Variants in BRCA2 observed in about 807,000 individuals in gnomAD.
BRCA2 encodes the protein BRCA2 DNA repair associated.
In BRCA2, 203 loss-of-function variants were observed where a neutral mutation model predicts 276.7. The observed-to-expected ratio is 0.73, with a 90% CI of 0.65 to 0.82. The LOEUF (loss-of-function observed/expected upper bound fraction) is 0.82. BRCA2 is among the 40% of genes least tolerant of loss of function. BRCA2 has a pLI of 0.00. For synonymous variants in BRCA2, 1,289 were observed against 1,338.4 expected, an observed-to-expected ratio of 0.96 and a Z score of 0.81; for missense variants, 3,920 against 3,915.0, an observed-to-expected ratio of 1.00 and a Z score of -0.03.
chr13:32,379,951 G>A (rs2137624132), intron 23 of BRCA2, 38 bp downstream of exon 23: 1 of 1,612,952 alleles, frequency 6.2e-7, no homozygotes, highest in Non-Finnish European at 8.5e-7. Flanking sequence ...GTTTTGATAA[G>A]TGCTTGTTAG....
At chr13:32,384,428 G>C (rs904929699) in intron 24 of BRCA2, among the ~76,000 whole-genome samples, 7 of 152,218 alleles carry the variant, frequency 4.6e-5, no homozygotes, top group African/African-American at 1.4e-4. Flanking sequence ...GCGGAATCCA[G>C]GGAATTTGGC....
rs567476314 is a variant in BRCA2, at chr13:32,398,510, C to G, written c.9997C>G (p.Leu3333Val). Residue 3333 changes from leucine (L) to valine (V), a missense_variant, in exon 27 of 27, where the codon CTT (leucine) becomes GTT (valine). Coordinates refer to ENST00000380152, the MANE Select transcript of BRCA2 (RefSeq NM_000059.4). ...ATTTAAAAAATTCAATGAAATTTCT[C>G]TTTTGGAAAGTAATTCAATAGCTGA... ...TPFKKFNEISLLESNSIADEE... is the reference protein window; with the variant it reads ...TPFKKFNEISVLESNSIADEE... 4 of 1,614,104 alleles carry G rather than the reference C, an allele frequency of 2.5e-6. No homozygotes were observed. Among genetic ancestry groups the G allele is most frequent in the East Asian group, 4.5e-5 (2 of 44,892 alleles).
chr13:32,324,854 A>G (rs954707178), intron 3 of BRCA2, among the ~76,000 whole-genome samples: 2 of 152,034 alleles, frequency 1.3e-5, no homozygotes, highest in Non-Finnish European at 2.9e-5. Context: ...GCCTCAAGCA[A>G]TCCTCCCACC....
intron 20 of BRCA2, among the ~76,000 whole-genome samples, chr13:32,372,630 G>T (rs865906711): frequency 2.0e-5 from 3 of 152,116 alleles, no homozygotes; most frequent in Non-Finnish European, 4.4e-5. Flanking sequence ...AACACATGGG[G>T]ATTACAATTT....
chr13:32,360,150 C>G (rs866956625), intron 16 of BRCA2, among the ~76,000 whole-genome samples: 3 of 152,270 alleles, frequency 2.0e-5, no homozygotes, highest in East Asian at 1.9e-4. Flanking sequence ...GAGCATAGGA[C>G]TATCCTAGCA....
At chr13:32,378,479 T>G (rs1241985138) in intron 21 of BRCA2, among the ~76,000 whole-genome samples, 2 of 152,224 alleles carry the variant, frequency 1.3e-5, no homozygotes, top group Non-Finnish European at 2.9e-5. Flanking sequence ...AATCAGGTTT[T>G]ACAACAAAAT....
chr13:32,315,519 C>CGCTGTGGCACT lies in BRCA2; in HGVS notation c.-183_-173dup, dbSNP rs1206919583. 6.6e-6 allele frequency: 1 copy of CGCTGTGGCACT among 152,262 alleles called. No homozygotes were observed. Among genetic ancestry groups the CGCTGTGGCACT allele is most frequent in the African/African-American group, 2.4e-5 (1 of 41,456 alleles). 9.4% of individuals were successfully genotyped at this position (152,262 alleles called of 1,614,324 possible). A position where few individuals can be genotyped will look rare whatever the true frequency, so the allele number is the denominator to read the frequency against. The stretch of plus-strand genomic sequence containing the variant: ...TGAAACTAGGCGGCAGAGGCGGAGC[C>CGCTGTGGCACT]GCTGTGGCACTGCTGCGCCTCTGCT... On this transcript the variant is annotated 5_prime_UTR_variant, in exon 1 of 27. Coordinates refer to ENST00000380152, the MANE Select transcript of BRCA2 (RefSeq NM_000059.4).
chr13:32,333,046 A>G lies in BRCA2; in HGVS notation c.1568A>G (p.His523Arg), dbSNP rs80358443. 4.2e-5 allele frequency: 68 copies of G among 1,608,394 alleles called. No individual in the cohort carries two copies. In the East Asian group the frequency reaches 1.0e-3, roughly 24 times the overall value. Reference sequence around the variant, plus strand: ...ACTTTCAATGCAAGTTTTTCAGGTCATATGACTGATCCAAACTTTAAAAAA... The same window carrying G: ...ACTTTCAATGCAAGTTTTTCAGGTCGTATGACTGATCCAAACTTTAAAAAA... ...KETFNASFSG[H>R]MTDPNFKKET... is the part of the protein sequence containing the mutation. The change falls in exon 10 of 27, where the codon CAT becomes CGT. Residue 523 changes from histidine (H) to arginine (R), a missense_variant. Coordinates refer to ENST00000380152, the MANE Select transcript of BRCA2 (RefSeq NM_000059.4).
intron 7 of BRCA2, among the ~76,000 whole-genome samples, chr13:32,327,790 A>G (rs1041945354): frequency 6.7e-6 from 1 of 148,798 alleles, no homozygotes; most frequent in Non-Finnish European, 1.5e-5. Flanking sequence ...TTTAATTGAG[A>G]CAAGGTTCTT....
At chr13:32,369,797 C>G (rs1704135329) in intron 18 of BRCA2, among the ~76,000 whole-genome samples, 1 of 152,176 alleles carries the variant, frequency 6.6e-6, no homozygotes, top group South Asian at 2.1e-4. Flanking sequence ...TGGTCTCGAA[C>G]TCCTGACCTC....
chr13:32,350,642 A>G (rs1392880023), intron 13 of BRCA2, among the ~76,000 whole-genome samples: 1 of 152,018 alleles, frequency 6.6e-6, no homozygotes, highest in East Asian at 1.9e-4. Flanking sequence ...AGTCCCAGCT[A>G]CTTGGGAGGC....
At chr13:32,364,802 T>C (rs1207708846) in intron 18 of BRCA2, among the ~76,000 whole-genome samples, 1 of 152,182 alleles carries the variant, frequency 6.6e-6, no homozygotes, top group Non-Finnish European at 1.5e-5. Flanking sequence ...TTCATATGCT[T>C]ACTCCATTCT....
chr13:32,348,991 G>T (rs887379962), intron 13 of BRCA2, among the ~76,000 whole-genome samples: 1 of 152,122 alleles, frequency 6.6e-6, no homozygotes, highest in Non-Finnish European at 1.5e-5. Context: ...GGAGGCTGAG[G>T]TGGGTAGATC....
At position 32,383,889 on chromosome 13, in the gene BRCA2, G is replaced by A. The variant is rs2072941836; in HGVS notation, c.9256+3744G>A. Among the ~76,000 whole-genome samples the A allele has an allele frequency of 4.6e-5, 7 of 152,180 alleles. No homozygotes were observed. In the South Asian group the frequency reaches 1.2e-3, roughly 27 times the overall value. Reference sequence around the variant, plus strand: ...AATAAAAGTCTTGGGTATGTCCATTGCAGTGAGTTACCAGTGGAAAATAGA... The same window carrying A: ...AATAAAAGTCTTGGGTATGTCCATTACAGTGAGTTACCAGTGGAAAATAGA... On this transcript the variant is annotated intron_variant, in intron 24 of 26. Transcript: ENST00000380152.
intron 14 of BRCA2, 92 bp downstream of exon 14, chr13:32,355,380 G>A: frequency 1.4e-6 from 2 of 1,424,862 alleles, no homozygotes; most frequent in Non-Finnish European, 1.9e-6. Context: ...CCCCTTTGGT[G>A]GTGGTAATTT....
At chr13:32,373,274 G>A (rs1234112147) in intron 20 of BRCA2, among the ~76,000 whole-genome samples, 1 of 151,702 alleles carries the variant, frequency 6.6e-6, no homozygotes, top group Non-Finnish European at 1.5e-5. Flanking sequence ...TTGGGAGGCT[G>A]AAGTGGGCAG....
chr13:32,333,648 T>A (rs1488510461), intron 10 of BRCA2, among the ~76,000 whole-genome samples: 1 of 152,132 alleles, frequency 6.6e-6, no homozygotes, highest in Non-Finnish European at 1.5e-5. Context: ...ATGTGCAGGA[T>A]GTGCAGGTTT....
chr13:32,370,264 G>A (rs2072817404), intron 18 of BRCA2, 138 bp from the exon 19 acceptor site: 2 of 771,310 alleles, frequency 2.6e-6, no homozygotes, highest in South Asian at 1.8e-5. Context: ...CTTATTTACT[G>A]TCTTACTAAT....
At position 32,340,300 on chromosome 13, in the gene BRCA2, GT is replaced by G. The variant is rs80359550; in HGVS notation, c.5946del (p.Ser1982ArgfsTer22). 1.4e-4 allele frequency: 225 copies of G among 1,613,878 alleles called. No individual in the cohort carries two copies. Among genetic ancestry groups the G allele is most frequent in the Non-Finnish European group, 3.0e-5 (35 of 1,179,918 alleles). ...ACTTGTGGGATTTTTAGCACAGCAA[GT>G]GGAAAATCTGTCCAGGTATCAGATG... ...ANTCGIFSTA[S>X]GKSVQVSDAS... On this transcript the variant is annotated frameshift_variant, in exon 11 of 27. Coordinates refer to ENST00000380152, the MANE Select transcript of BRCA2 (RefSeq NM_000059.4). LOFTEE classifies it high-confidence loss of function.
Sources: gnomAD v4.1 joint callset for allele counts (sites outside exome capture counted in the v4.1 genomes callset) on GRCh38, gnomAD v4.1.1 for gene constraint, MANE v1.5 for transcripts, NCBI Gene and HGNC (gene_info 2026-07-23, HGNC 2026-07-21) for gene names.